Variants in TRERF1 observed in about 807,000 individuals in gnomAD.
TRERF1 encodes the protein transcriptional-regulating factor 1.
In TRERF1, 27 loss-of-function variants were observed where a neutral mutation model predicts 122.9. The ratio of observed to expected loss-of-function variants is 0.22; its 90% CI spans 0.16 to 0.30. The LOEUF is 0.30. Among genes scored for constraint, TRERF1 ranks in the 10% least tolerant of loss-of-function variants. TRERF1 has a pLI of 1.00. For synonymous variants in TRERF1, 636 were observed against 641.7 expected, an observed-to-expected ratio of 0.99 and a Z score of 0.13; for missense variants, 1,248 against 1,560.3, an observed-to-expected ratio of 0.80 and a Z score of 3.37.
intron 2 of TRERF1, among the ~76,000 whole-genome samples, chr6:42,410,637 C>T (rs974014200): frequency 1.3e-5 from 2 of 152,148 alleles, no homozygotes; most frequent in African/African-American, 4.8e-5. Flanking sequence ...CTCAGTCCCC[C>T]CTCCCTCCAT....
intron 4 of TRERF1, among the ~76,000 whole-genome samples, chr6:42,299,663 GT>G (rs1561940277): frequency 1.3e-5 from 2 of 152,142 alleles, no homozygotes; most frequent in Non-Finnish European, 2.9e-5. Context: ...ATTTAAAGAT[GT>G]TTTTTGAAGC....
chr6:42,419,931 A>T (rs1261701176), intron 2 of TRERF1, among the ~76,000 whole-genome samples: 1 of 152,236 alleles, frequency 6.6e-6, no homozygotes, highest in Non-Finnish European at 1.5e-5. Flanking sequence ...AGGTCCCCCA[A>T]CTGCCAAGCA....
At chr6:42,279,295 GC>G (rs1217891344) in intron 4 of TRERF1, among the ~76,000 whole-genome samples, 1 of 152,130 alleles carries the variant, frequency 6.6e-6, no homozygotes, top group Non-Finnish European at 1.5e-5. Context: ...CTCCACTCCT[GC>G]CCCCAAGAAC....
intron 3 of TRERF1, among the ~76,000 whole-genome samples, chr6:42,347,909 T>G (rs1374903869): frequency 6.6e-6 from 1 of 152,218 alleles, no homozygotes; most frequent in Non-Finnish European, 1.5e-5. Context: ...GGGAGCATTT[T>G]CCAGGCAGGA....
At chr6:42,378,642 T>C (rs553090860) in intron 2 of TRERF1, among the ~76,000 whole-genome samples, 12 of 152,250 alleles carry the variant, frequency 7.9e-5, no homozygotes, top group African/African-American at 2.2e-4. Flanking sequence ...CCGAAGCCCA[T>C]CTGCATGGAT....
intron 10 of TRERF1, among the ~76,000 whole-genome samples, chr6:42,257,614 T>TG (rs1219121893): frequency 1.3e-5 from 2 of 152,238 alleles, no homozygotes; most frequent in African/African-American, 4.8e-5. Flanking sequence ...AAAATGGTGT[T>TG]GGAACTTAGG....
chr6:42,358,446 G>C (rs1771026329), intron 3 of TRERF1, among the ~76,000 whole-genome samples: 1 of 152,204 alleles, frequency 6.6e-6, no homozygotes. Context: ...TCAAAAAGTA[G>C]GGTGTATTTC....
intron 2 of TRERF1, among the ~76,000 whole-genome samples, chr6:42,388,179 T>C (rs1385123422): frequency 6.6e-6 from 1 of 151,868 alleles, no homozygotes; most frequent in African/African-American, 2.4e-5. Flanking sequence ...GAACCTGGGC[T>C]GAACTCAAAT....
chr6:42,339,357 C>T (rs1416197085), intron 3 of TRERF1, among the ~76,000 whole-genome samples: 1 of 152,170 alleles, frequency 6.6e-6, no homozygotes, highest in Non-Finnish European at 1.5e-5. Flanking sequence ...ACCCTCTGCT[C>T]CTTTTTTCCT....
At chr6:42,267,119 G>C (rs1343525370) in intron 5 of TRERF1, among the ~76,000 whole-genome samples, 2 of 152,220 alleles carry the variant, frequency 1.3e-5, no homozygotes, top group Non-Finnish European at 2.9e-5. Flanking sequence ...GAGGCCAGGA[G>C]TTCAAGAGCA....
chr6:42,414,593 C>T (rs1781571100), intron 2 of TRERF1, among the ~76,000 whole-genome samples: 1 of 152,190 alleles, frequency 6.6e-6, no homozygotes, highest in Non-Finnish European at 1.5e-5. Context: ...TGTTTTCCAA[C>T]TTTTTTGACT....
At chr6:42,438,370 G>A (rs1308948694) in intron 2 of TRERF1, among the ~76,000 whole-genome samples, 4 of 151,202 alleles carry the variant, frequency 2.6e-5, no homozygotes, top group Non-Finnish European at 2.9e-5. Flanking sequence ...AGCACTTCGG[G>A]AGGCCAAGGC....
At chr6:42,417,371 G>A (rs1326292229) in intron 2 of TRERF1, among the ~76,000 whole-genome samples, 1 of 150,754 alleles carries the variant, frequency 6.6e-6, no homozygotes, top group African/African-American at 2.4e-5. Context: ...CCTATGCACA[G>A]TATGAAGGGA....
Position 42,228,236 on chromosome 6 carries a change from TA to T in TRERF1, c.*108del. 1.0e-6 allele frequency: 1 copy of T among 969,330 alleles called. No homozygotes were observed. Among genetic ancestry groups the T allele is most frequent in the Non-Finnish European group, 1.5e-6 (1 of 682,640 alleles). The allele number at this position is 969,330 out of a possible 1,614,324, so 60.0% of individuals were successfully genotyped here. ...TAAACCTGAATAAAATGACCACTTTTAAAACAGGTAGTTTAAAAGGGTTACA... is the reference window on the plus strand; with the variant it reads ...TAAACCTGAATAAAATGACCACTTTTAAACAGGTAGTTTAAAAGGGTTACA... On this transcript the variant is annotated 3_prime_UTR_variant, in exon 18 of 18. Transcript: ENST00000372922. This position sits in a 1 kb window ranked among gnomAD's most constrained non-coding sequence, Gnocchi z 4.2.
At chr6:42,371,420 G>A (rs1409312794) in intron 2 of TRERF1, among the ~76,000 whole-genome samples, 1 of 152,100 alleles carries the variant, frequency 6.6e-6, no homozygotes, top group Non-Finnish European at 1.5e-5. Flanking sequence ...GGAGTGGGTG[G>A]CAAAATAGGA....
chr6:42,351,510 T>A (rs984377635), intron 3 of TRERF1, among the ~76,000 whole-genome samples: 17 of 152,362 alleles, frequency 1.1e-4, no homozygotes, highest in East Asian at 7.7e-4. Context: ...AAGCTATTAA[T>A]AGGATGGTTC....
At chr6:42,258,691 C>T (rs1777213044) in intron 9 of TRERF1, among the ~76,000 whole-genome samples, 1 of 152,162 alleles carries the variant, frequency 6.6e-6, no homozygotes, top group African/African-American at 2.4e-5. Flanking sequence ...TCTCCTGCCT[C>T]AGTCTCCTGA....
chr6:42,437,458 TA>T (rs988572864), intron 2 of TRERF1, among the ~76,000 whole-genome samples: 1 of 152,190 alleles, frequency 6.6e-6, no homozygotes, highest in Non-Finnish European at 1.5e-5. Flanking sequence ...TGCATTTTTT[TA>T]AATCTCATTT....
intron 3 of TRERF1, among the ~76,000 whole-genome samples, chr6:42,315,717 C>T (rs116288952): frequency 6.9e-6 from 1 of 145,062 alleles, no homozygotes; most frequent in African/African-American, 2.6e-5. Flanking sequence ...CCCCCCCCCC[C>T]ACCCACTGCC....
Sources: gnomAD v4.1 joint callset for allele counts (sites outside exome capture counted in the v4.1 genomes callset) on GRCh38, gnomAD v4.1.1 for gene constraint, Gnocchi (gnomAD v3.1) non-coding constraint, MANE v1.5 for transcripts, NCBI Gene and HGNC (gene_info 2026-07-23, HGNC 2026-07-21) for gene names.